The following OVCH1 variants were observed in gnomAD, a reference collection of about 807,000 sequenced individuals.
OVCH1 encodes ovochymase-1.
Under a neutral mutation model 138.4 loss-of-function variants are expected in OVCH1, and 139 were observed. The observed-to-expected ratio is 1.00, with a 90% CI of 0.87 to 1.16. OVCH1 has a LOEUF of 1.16. OVCH1 is among the 50% of genes most tolerant of loss of function. The pLI is 0.00. For synonymous variants in OVCH1, 453 were observed against 467.8 expected, an observed-to-expected ratio of 0.97 and a Z score of 0.41; for missense variants, 1,367 against 1,357.9, an observed-to-expected ratio of 1.01 and a Z score of -0.11.
In OVCH1 at chr12:29,470,908, A is replaced by G. The variant is rs144243538; in HGVS notation, c.1856+894T>C. ...GTTTCCTGACTTTTTAATAATCACC[A>G]TTCTGATGGGTGTGAGATGGTATCT... is the stretch of plus-strand genomic sequence containing the variant. On this transcript the variant is annotated intron_variant, in intron 16 of 27. Coordinates refer to ENST00000318184, the Ensembl canonical transcript of OVCH1. Among the ~76,000 whole-genome samples the G allele has an allele frequency of 6.5e-3, 984 of 152,270 alleles. 6 individuals carry two copies. Among genetic ancestry groups the G allele is most frequent in the African/African-American group, 0.023 (942 of 41,572 alleles).
chr12:29,472,853 T>G (rs987396264), intron 15 of OVCH1, among the ~76,000 whole-genome samples, 176 bp downstream of exon 15: 1 of 152,234 alleles, frequency 6.6e-6, no homozygotes, highest in African/African-American at 2.4e-5. Context: ...TCCCTCTATT[T>G]ATGAGTCTAA....
At chr12:29,496,869 T>A (rs1270615178) in intron 1 of OVCH1, among the ~76,000 whole-genome samples, 195 bp from the exon 2 acceptor site, 1 of 152,246 alleles carries the variant, frequency 6.6e-6, no homozygotes, top group Admixed American at 6.5e-5. Context: ...ATTTGCCTCC[T>A]GTCTGCTCCC....
At chr12:29,437,146 G>A (rs1283805289) in intron 26 of OVCH1, among the ~76,000 whole-genome samples, 1 of 152,116 alleles carries the variant, frequency 6.6e-6, no homozygotes, top group Non-Finnish European at 1.5e-5. Context: ...ACAGTGTGCT[G>A]ATTGGTGCAT....
exon 14 of OVCH1, chr12:29,475,157 T>C: frequency 6.6e-7 from 1 of 1,518,040 alleles, no homozygotes; most frequent in East Asian, 2.5e-5. Flanking sequence ...GAACTGAATA[T>C]TGAAGTGATG....
At chr12:29,443,495 T>C (rs768446575) in exon 25 of OVCH1, 20 of 1,597,780 alleles carry the variant, frequency 1.3e-5, no homozygotes, top group Non-Finnish European at 1.5e-5. Flanking sequence ...TAATCTCCAT[T>C]GGCAACTATG....
At chr12:29,442,060 G>A (rs868139630) in intron 25 of OVCH1, among the ~76,000 whole-genome samples, 71 of 151,228 alleles carry the variant, frequency 4.7e-4, no homozygotes, top group African/African-American at 1.6e-3. Context: ...GGAAGTCAGT[G>A]TGGCGATTCC....
chr12:29,464,796 G>T, intron 17 of OVCH1, 94 bp from the exon 18 acceptor site: 1 of 1,093,388 alleles, frequency 9.1e-7, no homozygotes, highest in Non-Finnish European at 1.3e-6. Flanking sequence ...CTAAATTTCT[G>T]CACTTACATA....
intron 4 of OVCH1, among the ~76,000 whole-genome samples, chr12:29,493,649 CCAATTA>C: frequency 6.6e-6 from 1 of 152,260 alleles, no homozygotes; most frequent in Admixed American, 6.5e-5. Context: ...GTTTCTAATT[CCAATTA>C]CATTTTTATA....
At chr12:29,403,175 AATT>A in the OVCH1 span, among the ~76,000 whole-genome samples, 4 of 152,334 alleles carry the variant, frequency 2.6e-5, 1 homozygote. Flanking sequence ...TTGTAATTAC[AATT>A]ATTAGGCTGA....
At chr12:29,422,300 T>C in intron 3 of OVCH1, among the ~76,000 whole-genome samples, 1 of 152,116 alleles carries the variant, frequency 6.6e-6, no homozygotes, top group East Asian at 1.9e-4. Flanking sequence ...GACAGAAAGG[T>C]CAATTAGATG....
intron 16 of OVCH1, among the ~76,000 whole-genome samples, 159 bp downstream of exon 16, chr12:29,471,643 T>A (rs140590419): frequency 4.6e-5 from 7 of 152,194 alleles, no homozygotes; most frequent in Non-Finnish European, 8.8e-5. Context: ...TTCACTGACA[T>A]TGTTTAAATA....
exon 24 of OVCH1, chr12:29,444,228 G>A (rs1464138977): frequency 1.2e-6 from 2 of 1,612,362 alleles, no homozygotes; most frequent in East Asian, 2.2e-5. Context: ...AAGGGACCAA[G>A]TGCTCTCTGT....
At chr12:29,428,042 G>A (rs1029143337) in intron 27 of OVCH1, among the ~76,000 whole-genome samples, 3 of 152,104 alleles carry the variant, frequency 2.0e-5, no homozygotes, top group Admixed American at 6.5e-5. Flanking sequence ...TCTGATGCTC[G>A]CAGCTGGACC....
chr12:29,429,845 G>A (rs1941239012), intron 27 of OVCH1, among the ~76,000 whole-genome samples: 1 of 152,148 alleles, frequency 6.6e-6, no homozygotes, highest in Admixed American at 6.5e-5. Context: ...CTACAAGTAG[G>A]TCATTAAAAC....
intron 25 of OVCH1, among the ~76,000 whole-genome samples, chr12:29,441,799 A>C (rs1310162112): frequency 3.3e-5 from 5 of 152,186 alleles, no homozygotes; most frequent in Admixed American, 6.5e-5. Context: ...ACCCCATCAA[A>C]AAATGGGCAA....
chr12:29,473,301 G>T (rs914048814), intron 14 of OVCH1, among the ~76,000 whole-genome samples, 198 bp from the exon 15 acceptor site: 1 of 151,998 alleles, frequency 6.6e-6, no homozygotes, highest in African/African-American at 2.4e-5. Flanking sequence ...GCTCTTTTAA[G>T]CACTTCTTCC....
intron 15 of OVCH1, 117 bp downstream of exon 15, chr12:29,472,912 A>G (rs921338463): frequency 2.4e-6 from 2 of 845,130 alleles, no homozygotes; most frequent in African/African-American, 1.7e-5. Flanking sequence ...TAAATATAAG[A>G]CTCATTCTTC....
intron 16 of OVCH1, among the ~76,000 whole-genome samples, chr12:29,467,082 T>C (rs752685496): frequency 1.1e-4 from 16 of 152,138 alleles, no homozygotes; most frequent in Non-Finnish European, 1.9e-4. Context: ...GTGAAGCACT[T>C]GGCAAGTACC....
downstream of OVCH1, among the ~76,000 whole-genome samples, chr12:29,411,642 C>T (rs968288590): frequency 1.3e-5 from 2 of 152,128 alleles, no homozygotes; most frequent in African/African-American, 4.8e-5. Context: ...GTAAATTCTG[C>T]TGTCTGATCG....
Sources: gnomAD v4.1 joint callset for allele counts (sites outside exome capture counted in the v4.1 genomes callset) on GRCh38, gnomAD v4.1.1 for gene constraint, MANE v1.5 for transcripts, NCBI Gene and HGNC (gene_info 2026-07-23, HGNC 2026-07-21) for gene names.